The following SORBS3 variants were observed in gnomAD, a reference collection of about 807,000 sequenced individuals.
SORBS3 encodes vinexin.
SORBS3 carries 69 observed loss-of-function variants against 98.0 expected under a neutral mutation model. The observed-to-expected ratio is 0.70, with a 90% CI of 0.58 to 0.86. SORBS3 has a LOEUF of 0.86. SORBS3 is among the 40% of genes least tolerant of loss of function. The pLI is 0.00. For synonymous variants in SORBS3, 394 were observed against 355.4 expected, an observed-to-expected ratio of 1.11 and a Z score of -1.22; for missense variants, 954 against 908.5, an observed-to-expected ratio of 1.05 and a Z score of -0.64.
In SORBS3 at chr8:22,571,150, T is replaced by C. The variant is rs888313141; in HGVS notation, c.1672T>C (p.Leu558=). 1 of 1,594,278 alleles carries C rather than the reference T, an allele frequency of 6.3e-7. No individual in the cohort carries two copies. The highest frequency in any genetic ancestry group is 8.5e-7 in the Non-Finnish European group (1 of 1,172,562). The change falls in exon 18 of 21, where the codon TTG becomes CTG. Residue 558 remains leucine (L), a synonymous_variant. Coordinates refer to ENST00000240123, the MANE Select transcript of SORBS3 (RefSeq NM_005775.5). The part of the protein sequence containing the change: ...ALRSPADPID[L]GGQTSPRRTG... ...GCGCAGCCCAGCTGACCCCATCGAC[T>C]TGGGGGGACAGACCTCCCCCCGTCG...
At chr8:22,557,236 C>A (rs958132706) in intron 4 of SORBS3, among the ~76,000 whole-genome samples, 2 of 152,148 alleles carry the variant, frequency 1.3e-5, no homozygotes, top group African/African-American at 4.8e-5. Context: ...TGTCACGACG[C>A]TCATGAAATG....
At chr8:22,549,738 C>T (rs1840054644), upstream of SORBS3, among the ~76,000 whole-genome samples, 1 of 152,212 alleles carries the variant, frequency 6.6e-6, no homozygotes, top group South Asian at 2.1e-4. Context: ...ACCCCGCCTC[C>T]TCCTGCAAAG....
In SORBS3 at chr8:22,564,449, C is replaced by T; in HGVS notation, c.763-19C>T. 4 of 1,614,158 alleles carry T rather than the reference C, an allele frequency of 2.5e-6. No homozygotes were observed. Among genetic ancestry groups the T allele is most frequent in the Non-Finnish European group, 3.4e-6 (4 of 1,180,004 alleles). ...GAAAGTGAGTTCACCTGCTCTGACA[C>T]ACCCTTTCTACCCTTCAGCCCAAGA... On this transcript the variant is annotated intron_variant, in intron 9 of 20. Transcript: ENST00000240123.
intron 12 of SORBS3, 148 bp from the exon 13 acceptor site, chr8:22,566,196 AG>A (rs1840414181): frequency 9.6e-7 from 1 of 1,045,402 alleles, no homozygotes; most frequent in Non-Finnish European, 1.3e-6. Flanking sequence ...CTCGGGAAGT[AG>A]GACATCCTGT....
rs759886430 is a variant in SORBS3, at chr8:22,574,796, A to C, written c.*68A>C. 59 of 1,450,808 alleles carry C rather than the reference A, an allele frequency of 4.1e-5. No homozygotes were observed. The highest frequency in any genetic ancestry group is 5.7e-5 in the Non-Finnish European group (59 of 1,032,488). 89.9% of individuals were successfully genotyped at this position (1,450,808 alleles called of 1,614,324 possible). ...GAGCGGTGGCACTCGTGGGAGGGAG[A>C]GGACCCCCGCCCACATCCTCCTTCC... On this transcript the variant is annotated 3_prime_UTR_variant, in exon 21 of 21. Transcript: ENST00000240123.
chr8:22,561,085 G>C, intron 5 of SORBS3: 2 of 447,440 alleles, frequency 4.5e-6, no homozygotes, highest in Non-Finnish European at 7.9e-6. Flanking sequence ...CAGGGAGGGA[G>C]GAGCAGGAGG....
At chr8:22,551,226 G>C (rs1485080830), upstream of SORBS3, among the ~76,000 whole-genome samples, 1 of 152,162 alleles carries the variant, frequency 6.6e-6, no homozygotes, top group Non-Finnish European at 1.5e-5. The surrounding 1 kb of genome is among the most constrained non-coding windows in gnomAD (Gnocchi z 5.8). Context: ...GTGTGTGAGC[G>C]TCCCCACGTT....
chr8:22,556,218 G>T (rs545084930), intron 3 of SORBS3, among the ~76,000 whole-genome samples: 1 of 152,352 alleles, frequency 6.6e-6, no homozygotes, highest in South Asian at 2.1e-4. Context: ...GCCAGGCACT[G>T]TGCTGGGTAC....
chr8:22,568,035 A>C (rs912176592), intron 16 of SORBS3, among the ~76,000 whole-genome samples: 1 of 152,034 alleles, frequency 6.6e-6, no homozygotes, highest in Non-Finnish European at 1.5e-5. Context: ...TTTTTAGTAG[A>C]GATGAGGTTT....
chr8:22,569,772 T>G (rs1840524300), intron 17 of SORBS3, among the ~76,000 whole-genome samples: 1 of 152,066 alleles, frequency 6.6e-6, no homozygotes. Flanking sequence ...AGCATCTCAC[T>G]ATGTTGCCCG....
chr8:22,549,625 A>T (rs533295926), upstream of SORBS3, among the ~76,000 whole-genome samples: 2 of 152,296 alleles, frequency 1.3e-5, no homozygotes, highest in African/African-American at 4.8e-5. Flanking sequence ...AACATGGTGG[A>T]TTCTGACCTG....
At position 22,564,047 on chromosome 8, in the gene SORBS3, A is replaced by G. The variant is rs1318983802; in HGVS notation, c.645A>G (p.Ala215=). ...GCACCTTCAACTACAGACCTGGAGC[A>G]TTCTCCACTGTGCTGCAGCCCTCAA... ...PRSTFNYRPG[A]FSTVLQPSNQ... The change falls in exon 8 of 21, where the codon GCA becomes GCG. Residue 215 remains alanine, a synonymous_variant. Transcript: ENST00000240123. 6.2e-7 allele frequency: 1 copy of G among 1,613,962 alleles called. No individual in the cohort carries two copies. The highest frequency in any genetic ancestry group is 8.5e-7 in the Non-Finnish European group (1 of 1,180,026).
chr8:22,571,516 C>T (rs1840584085), intron 18 of SORBS3, among the ~76,000 whole-genome samples: 2 of 152,194 alleles, frequency 1.3e-5, no homozygotes, highest in African/African-American at 4.8e-5. Flanking sequence ...CTTACTTGGG[C>T]CTCAGTTTTC....
chr8:22,547,434 T>A (rs1840027332), upstream of SORBS3, among the ~76,000 whole-genome samples: 1 of 152,192 alleles, frequency 6.6e-6, no homozygotes, highest in African/African-American at 2.4e-5. Flanking sequence ...ATGTTGATGC[T>A]ATTAAGGCGA....
In SORBS3 at chr8:22,565,259, C is replaced by T; in HGVS notation, c.817-9C>T. 1 of 1,550,166 alleles carries T rather than the reference C, an allele frequency of 6.5e-7. No homozygotes were observed. Among genetic ancestry groups the T allele is most frequent in the Non-Finnish European group, 8.7e-7 (1 of 1,146,592 alleles). On this transcript the variant is annotated splice_polypyrimidine_tract_variant and intron_variant, in intron 10 of 20. Coordinates refer to ENST00000240123, the MANE Select transcript of SORBS3 (RefSeq NM_005775.5). ...TGCCCCTCACTGCCCAGCCTCTCCC[C>T]GCCCCCAGGTGCTGCTGGAGAGAGA... is the stretch of plus-strand genomic sequence containing the variant.
chr8:22,574,058 G>A (rs1298120977), intron 20 of SORBS3, among the ~76,000 whole-genome samples: 2 of 152,184 alleles, frequency 1.3e-5, no homozygotes, highest in East Asian at 1.9e-4. Flanking sequence ...GGTGGTGCCA[G>A]TTTCCTCCAG....
At chr8:22,563,458 T>C (rs1007604304) in intron 7 of SORBS3, among the ~76,000 whole-genome samples, 1 of 151,936 alleles carries the variant, frequency 6.6e-6, no homozygotes, top group African/African-American at 2.4e-5. Context: ...GGAGCAGAAA[T>C]AACTTGGCCA....
At position 22,567,691 on chromosome 8, in the gene SORBS3, G is replaced by C. The variant is rs1000284787; in HGVS notation, c.1305+516G>C. Among the ~76,000 whole-genome samples the C allele has an allele frequency of 3.3e-5, 5 of 152,138 alleles. No homozygotes were observed. In the South Asian group the frequency reaches 1.0e-3, roughly 31 times the overall value. ...TCCAGGTCTTTTGATTCCAGAGACA[G>C]GTTCTGGGCTTGACAGATAAAGGGC... On this transcript the variant is annotated intron_variant, in intron 16 of 20. Coordinates refer to ENST00000240123, the MANE Select transcript of SORBS3 (RefSeq NM_005775.5).
chr8:22,565,815 T>TC lies in SORBS3; in HGVS notation c.904-7dup, dbSNP rs770524132. The TC allele has an allele frequency of 3.8e-6, 5 of 1,316,622 alleles. No individual in the cohort carries two copies. Among genetic ancestry groups the TC allele is most frequent in the Middle Eastern group, 2.9e-4 (1 of 3,476 alleles). The allele number at this position is 1,316,622 out of a possible 1,614,324, so 81.6% of individuals were successfully genotyped here. A position where few individuals can be genotyped will look rare whatever the true frequency, so the allele number is the denominator to read the frequency against. ...GGTCGCGGGCCCTGATTGCGCCGTT[T>TC]CCCCGCGCAGAGCTCGCCGGCGCCC... On this transcript the variant is annotated splice_polypyrimidine_tract_variant and intron_variant, in intron 11 of 20. Transcript: ENST00000240123.
Sources: allele counts gnomAD v4.1 joint callset (sites outside exome capture counted in the v4.1 genomes callset), GRCh38; gene constraint gnomAD v4.1.1; non-coding constraint Gnocchi (gnomAD v3.1); transcripts MANE v1.5; gene names NCBI Gene and HGNC (gene_info 2026-07-23, HGNC 2026-07-21).